Variants in CENPW observed in about 807,000 individuals in gnomAD.
CENPW encodes the protein centromere protein W.
A neutral mutation model predicts 11.1 loss-of-function variants in CENPW; 3 were observed. That is an observed-to-expected ratio of 0.27 (90% CI 0.12 to 0.70). CENPW has a LOEUF of 0.70. Ranked by LOEUF, CENPW falls within the 30% of genes least tolerant of loss-of-function variation. CENPW has a pLI of 0.77. For synonymous variants in CENPW, 38 were observed against 42.0 expected (o/e 0.91, Z 0.37); for missense variants, 100 against 105.6 (o/e 0.95, Z 0.23).
chr6:126,405,706 G>A, the CENPW span, among the ~76,000 whole-genome samples: 1 of 151,948 alleles, frequency 6.6e-6, no homozygotes, highest in Admixed American at 6.6e-5. Flanking sequence ...TTTCATTATA[G>A]AGAATGTTCA....
the CENPW span, among the ~76,000 whole-genome samples, chr6:126,411,777 A>G: frequency 1.3e-5 from 2 of 152,040 alleles, no homozygotes; most frequent in Non-Finnish European, 1.5e-5. Flanking sequence ...ATCAGTTGTA[A>G]CTCAGGACCC....
chr6:126,400,010 G>A, the CENPW span, among the ~76,000 whole-genome samples: 1 of 151,914 alleles, frequency 6.6e-6, no homozygotes, highest in African/African-American at 2.4e-5. Flanking sequence ...AATGCTGATG[G>A]ACATTTGGGT....
At chr6:126,461,375 C>G in the CENPW span, among the ~76,000 whole-genome samples, 5 of 151,850 alleles carry the variant, frequency 3.3e-5, no homozygotes, top group Non-Finnish European at 5.9e-5. Context: ...TAGCAGCATG[C>G]AAATGGACTA....
the CENPW span, among the ~76,000 whole-genome samples, chr6:126,437,325 C>T: frequency 1.3e-5 from 2 of 151,908 alleles, no homozygotes; most frequent in African/African-American, 4.8e-5. Context: ...TATGTTCTTA[C>T]ATAAAACAAT....
At chr6:126,396,860 G>A in the CENPW span, among the ~76,000 whole-genome samples, 2 of 151,928 alleles carry the variant, frequency 1.3e-5, no homozygotes, top group Non-Finnish European at 2.9e-5. Flanking sequence ...TGGATCTAGG[G>A]CCTATAATGG....
At chr6:126,452,655 A>G in the CENPW span, among the ~76,000 whole-genome samples, 1 of 151,130 alleles carries the variant, frequency 6.6e-6, no homozygotes, top group Non-Finnish European at 1.5e-5. Context: ...ATGATAAAAT[A>G]TCTAAAATTC....
chr6:126,478,414 C>CTCTCTG, the CENPW span, among the ~76,000 whole-genome samples: 1 of 150,434 alleles, frequency 6.6e-6, no homozygotes, highest in African/African-American at 2.4e-5. Context: ...CTCTTTATCT[C>CTCTCTG]TCTCTCTCTC....
the CENPW span, among the ~76,000 whole-genome samples, chr6:126,414,959 T>C: frequency 6.6e-6 from 1 of 151,972 alleles, no homozygotes; most frequent in African/African-American, 2.4e-5. Flanking sequence ...GCGATGGCTA[T>C]GAATAACCAT....
the CENPW span, among the ~76,000 whole-genome samples, chr6:126,411,722 G>A: frequency 7.6e-4 from 115 of 152,234 alleles, no homozygotes; most frequent in African/African-American, 2.7e-3. Context: ...AGGTTTGGAG[G>A]TTTGGGCCAA....
chr6:126,443,044 T>G, the CENPW span, among the ~76,000 whole-genome samples: 65,131 of 151,062 alleles, frequency 0.43, 16,375 homozygotes, highest in East Asian at 0.97. Context: ...GAGATTTTTA[T>G]AGTCAGCTGT....
chr6:126,423,837 CT>C, the CENPW span, among the ~76,000 whole-genome samples: 12 of 114,664 alleles, frequency 1.0e-4, no homozygotes, highest in East Asian at 3.1e-3. Flanking sequence ...ATTTTTTTTT[CT>C]TTTTTTTAAA....
the CENPW span, among the ~76,000 whole-genome samples, chr6:126,462,021 A>G: frequency 1.3e-5 from 2 of 151,992 alleles, no homozygotes; most frequent in African/African-American, 4.8e-5. Context: ...TTAGTATGCT[A>G]TTCTCCTAGG....
the CENPW span, among the ~76,000 whole-genome samples, chr6:126,380,667 T>G: frequency 2.5e-4 from 38 of 152,320 alleles, 1 homozygote; most frequent in East Asian, 3.3e-3. Flanking sequence ...AAAAATATTT[T>G]ATTTGCTTAT....
the CENPW span, among the ~76,000 whole-genome samples, chr6:126,402,681 A>T: frequency 6.6e-6 from 1 of 152,042 alleles, no homozygotes; most frequent in Admixed American, 6.6e-5. Context: ...TGTAGGATAT[A>T]TCAACACTTC....
At chr6:126,454,865 C>A in the CENPW span, among the ~76,000 whole-genome samples, 1 of 150,884 alleles carries the variant, frequency 6.6e-6, no homozygotes, top group Non-Finnish European at 1.5e-5. Flanking sequence ...CAAATAAATG[C>A]AATTATAAAT....
At chr6:126,346,344 G>T in intron 2 of CENPW, 26 bp downstream of exon 2, 1 of 1,457,832 alleles carries the variant, frequency 6.9e-7, no homozygotes, top group Non-Finnish European at 9.6e-7. Context: ...CTTTTCTCGA[G>T]CAAGAATTAA....
the CENPW span, among the ~76,000 whole-genome samples, chr6:126,440,268 A>T: frequency 6.6e-6 from 1 of 151,584 alleles, no homozygotes. Context: ...TATAGTTTGT[A>T]TAATTCCTTA....
chr6:126,352,271 T>A (rs1780500736), downstream of CENPW, among the ~76,000 whole-genome samples: 1 of 152,190 alleles, frequency 6.6e-6, no homozygotes, highest in Admixed American at 6.5e-5. Context: ...ACTTAGTATC[T>A]GACCCTTTAC....
chr6:126,405,471 G>A, the CENPW span, among the ~76,000 whole-genome samples: 1 of 151,888 alleles, frequency 6.6e-6, no homozygotes, highest in Non-Finnish European at 1.5e-5. Context: ...TCTCAGAATT[G>A]CTTTGGCTAT....
Sources: gnomAD v4.1 joint callset for allele counts (sites outside exome capture counted in the v4.1 genomes callset) on GRCh38, gnomAD v4.1.1 for gene constraint, MANE v1.5 for transcripts, NCBI Gene and HGNC (gene_info 2026-07-23, HGNC 2026-07-21) for gene names.